LIMCH1: variants seen among roughly 807,000 people sequenced by gnomAD.
LIMCH1 encodes the protein LIM and calponin homology domains-containing protein 1.
Under a neutral mutation model 176.5 loss-of-function variants are expected in LIMCH1, and 113 were observed. The observed-to-expected ratio is 0.64, with a 90% CI of 0.55 to 0.75. The LOEUF (loss-of-function observed/expected upper bound fraction) is 0.75. Among genes scored for constraint, LIMCH1 ranks in the 30% least tolerant of loss-of-function variants. The pLI is 0.00. For synonymous variants in LIMCH1, 619 were observed against 645.9 expected (o/e 0.96, Z 0.63); for missense variants, 1,674 against 1,814.9 (o/e 0.92, Z 1.41).
At chr4:41,574,041 C>T (rs2084000778) in intron 1 of LIMCH1, among the ~76,000 whole-genome samples, 2 of 152,088 alleles carry the variant, frequency 1.3e-5, no homozygotes, top group South Asian at 4.1e-4. Flanking sequence ...AAACAAAACT[C>T]TTTCCTATAA....
intron 1 of LIMCH1, among the ~76,000 whole-genome samples, chr4:41,551,559 C>T (rs1268371731): frequency 6.6e-6 from 1 of 152,060 alleles, no homozygotes; most frequent in Non-Finnish European, 1.5e-5. Flanking sequence ...TTGGATGAAG[C>T]CGAGGTCAAG....
At chr4:41,573,891 G>A (rs561268781) in intron 1 of LIMCH1, among the ~76,000 whole-genome samples, 5 of 152,230 alleles carry the variant, frequency 3.3e-5, no homozygotes, top group South Asian at 4.1e-4. Flanking sequence ...AAAGCCAATG[G>A]CTATTAGGTC....
chr4:41,661,997 GTCTTGTTCCTCAA>G (rs2094641550), intron 19 of LIMCH1: 1 of 312,758 alleles, frequency 3.2e-6, no homozygotes, highest in Non-Finnish European at 6.2e-6. Context: ...GTTCCCGAAA[GTCTTGTTCCTCAA>G]TATTTTTTTG....
intron 3 of LIMCH1, among the ~76,000 whole-genome samples, chr4:41,525,329 A>T (rs1020731068): frequency 3.3e-5 from 5 of 152,218 alleles, no homozygotes; most frequent in Admixed American, 3.3e-4. Context: ...CCTTCTGCGC[A>T]TGTAGTTTTG....
At chr4:41,445,713 A>G (rs1196182004) in intron 1 of LIMCH1, among the ~76,000 whole-genome samples, 1 of 152,238 alleles carries the variant, frequency 6.6e-6, no homozygotes, top group Non-Finnish European at 1.5e-5. Context: ...GCCTAAAAAT[A>G]GAAATTAATT....
At chr4:41,367,032 A>G (rs1393923426) in intron 1 of LIMCH1, among the ~76,000 whole-genome samples, 1 of 152,182 alleles carries the variant, frequency 6.6e-6, no homozygotes, top group South Asian at 2.1e-4. Context: ...CGAAGAGGGA[A>G]CTGCCAAATG....
chr4:41,430,558 C>T (rs2061513008), intron 1 of LIMCH1, among the ~76,000 whole-genome samples: 1 of 152,204 alleles, frequency 6.6e-6, no homozygotes, highest in African/African-American at 2.4e-5. Context: ...CATCGGGCAC[C>T]CTGCCCCCAT....
chr4:41,571,844 G>A (rs1035941554), intron 1 of LIMCH1, among the ~76,000 whole-genome samples: 5 of 152,108 alleles, frequency 3.3e-5, no homozygotes, highest in Non-Finnish European at 7.4e-5. Flanking sequence ...TGATGTCAAG[G>A]ATGTCGAAAA....
At chr4:41,410,171 C>T (rs2059352783) in intron 1 of LIMCH1, among the ~76,000 whole-genome samples, 1 of 151,918 alleles carries the variant, frequency 6.6e-6, no homozygotes, top group Non-Finnish European at 1.5e-5. Context: ...TAGCAGTAGC[C>T]CAAGAGGATG....
intron 1 of LIMCH1, among the ~76,000 whole-genome samples, chr4:41,565,404 C>G (rs899718433): frequency 3.3e-5 from 5 of 150,532 alleles, no homozygotes; most frequent in African/African-American, 1.2e-4. Flanking sequence ...CACAGACACA[C>G]ACACACACAC....
chr4:41,470,539 A>C (rs1000697410), intron 1 of LIMCH1, among the ~76,000 whole-genome samples: 1 of 152,156 alleles, frequency 6.6e-6, no homozygotes, highest in African/African-American at 2.4e-5. Flanking sequence ...AGAGTTGACT[A>C]TGCTATTCCT....
intron 1 of LIMCH1, among the ~76,000 whole-genome samples, chr4:41,553,467 A>G (rs2152523659): frequency 6.6e-6 from 1 of 152,286 alleles, no homozygotes; most frequent in African/African-American, 2.4e-5. Flanking sequence ...GTATGTTCCC[A>G]GCAGATAGAA....
intron 21 of LIMCH1, chr4:41,670,973 G>A: frequency 1.0e-6 from 1 of 982,336 alleles, no homozygotes. Context: ...GGGGGTAGGA[G>A]GAGAGGAATC....
chr4:41,649,838 T>C (rs901482879), intron 17 of LIMCH1, among the ~76,000 whole-genome samples: 1 of 152,120 alleles, frequency 6.6e-6, no homozygotes, highest in Non-Finnish European at 1.5e-5. Context: ...AAAATGGAGG[T>C]TATAAAAGTA....
At chr4:41,467,158 TACACACACACACACACACACACAC>T (rs148147336) in intron 1 of LIMCH1, among the ~76,000 whole-genome samples, 1 of 143,468 alleles carries the variant, frequency 7.0e-6, no homozygotes, top group African/African-American at 2.6e-5. Context: ...TATGTATATA[TACACACACACACACACACACACAC>T]ACACACACAC....
chr4:41,565,334 A>G (rs2152565639), intron 1 of LIMCH1, among the ~76,000 whole-genome samples: 1 of 146,290 alleles, frequency 6.8e-6, no homozygotes, highest in Non-Finnish European at 1.5e-5. Flanking sequence ...GTTAGAAGTT[A>G]GCTATTTCGG....
At chr4:41,576,015 G>A (rs775488314) in intron 1 of LIMCH1, among the ~76,000 whole-genome samples, 5 of 152,210 alleles carry the variant, frequency 3.3e-5, no homozygotes, top group Non-Finnish European at 7.3e-5. Context: ...AACTTGCCTA[G>A]TTGGACAAAA....
chr4:41,439,513 G>C (rs1020553516), intron 1 of LIMCH1, among the ~76,000 whole-genome samples: 1 of 152,084 alleles, frequency 6.6e-6, no homozygotes, highest in Non-Finnish European at 1.5e-5. Flanking sequence ...GAGCCCTGGA[G>C]GTCAAGGCTG....
chr4:41,382,710 C>G (rs1238539738), intron 1 of LIMCH1, among the ~76,000 whole-genome samples: 2 of 152,204 alleles, frequency 1.3e-5, no homozygotes, highest in Non-Finnish European at 2.9e-5. Flanking sequence ...TTGCTCTACT[C>G]AACCATCAAT....
Sources: gnomAD v4.1 joint callset for allele counts (sites outside exome capture counted in the v4.1 genomes callset) on GRCh38, gnomAD v4.1.1 for gene constraint, MANE v1.5 for transcripts, NCBI Gene and HGNC (gene_info 2026-07-23, HGNC 2026-07-21) for gene names.